TLCD4: variants seen among roughly 807,000 people sequenced by gnomAD.
TLCD4 encodes the protein TLC domain-containing protein 4.
TLCD4 carries 7 observed loss-of-function variants against 24.2 expected under a neutral mutation model. The observed-to-expected ratio is 0.29, with a 90% confidence interval of 0.16 to 0.54. The LOEUF is 0.54. TLCD4 is among the 20% of genes least tolerant of loss of function. TLCD4 has a pLI of 0.95. For missense variants in TLCD4, 259 were observed against 313.9 expected (o/e 0.82, Z 1.32); for synonymous variants, 103 against 106.4 (o/e 0.97, Z 0.20).
intron 2 of TLCD4, among the ~76,000 whole-genome samples, chr1:95,146,889 CCT>C (rs1677365891): frequency 6.6e-6 from 1 of 152,004 alleles, no homozygotes; most frequent in Non-Finnish European, 1.5e-5. Flanking sequence ...GAATCTGAGG[CCT>C]GAGTGTCAGA....
intron 6 of TLCD4, among the ~76,000 whole-genome samples, chr1:95,181,032 G>T (rs1167359531): frequency 1.3e-5 from 2 of 152,186 alleles, no homozygotes; most frequent in Non-Finnish European, 2.9e-5. Flanking sequence ...AGTTGGTGGA[G>T]GTTGCAGTGA....
In TLCD4 at chr1:95,151,377, A is replaced by G; in HGVS notation, c.357A>G (p.Ile119Met). 1 of 1,613,324 alleles carries G rather than the reference A, an allele frequency of 6.2e-7. No homozygotes were observed. The change falls in exon 5 of 7, where the codon ATA becomes ATG. Residue 119 changes from isoleucine (I) to methionine (M), a missense_variant. Transcript: ENST00000370203. Reference sequence around the variant, plus strand: ...AAGTGATTGGTGACAAATTTTTTATAATGCATCATTGTGCGTCCCTGTATG... The same window carrying G: ...AAGTGATTGGTGACAAATTTTTTATGATGCATCATTGTGCGTCCCTGTATG... ...YWKVIGDKFF[I>M]MHHCASLYAY... is the part of the protein sequence containing the mutation.
At chr1:95,144,189 G>A (rs1677288465) in intron 2 of TLCD4, 133 bp downstream of exon 2, 3 of 1,117,902 alleles carry the variant, frequency 2.7e-6, no homozygotes, top group Admixed American at 4.3e-5. Context: ...AGAAATAAAA[G>A]GAAAAACAAG....
At position 95,139,174 on chromosome 1, in the gene TLCD4, CAA is replaced by C. The variant is rs71097248; in HGVS notation, c.-11-4695_-11-4694del. 4.4e-3 allele frequency among the ~76,000 whole-genome samples: 335 copies of C among 76,800 alleles called. 1 individual carries two copies. In the Middle Eastern group the frequency reaches 0.047, roughly 11 times the overall value. 50.4% of individuals were successfully genotyped at this position (76,800 alleles called of 152,430 possible). On this transcript the variant is annotated intron_variant, in intron 1 of 6. Coordinates refer to ENST00000370203, the MANE Select transcript of TLCD4 (RefSeq NM_152487.3). ...TGGATGACAGAGTGAGAACCTGTGT[CAA>C]AAAAAAAAAAAAAAAAAAAAAGATA...
intron 1 of TLCD4, among the ~76,000 whole-genome samples, chr1:95,120,744 CA>C (rs1357297568): frequency 6.6e-6 from 1 of 152,170 alleles, no homozygotes; most frequent in Non-Finnish European, 1.5e-5. Context: ...TACAACAGTA[CA>C]AAATGCATTT....
At chr1:95,140,525 A>G (rs1221226204) in intron 1 of TLCD4, 1 of 152,248 alleles carries the variant, frequency 6.6e-6, no homozygotes, top group Non-Finnish European at 1.5e-5. Context: ...AATGAAAAGT[A>G]TAAACATTAT....
At chr1:95,127,668 G>C (rs1016316328) in intron 1 of TLCD4, among the ~76,000 whole-genome samples, 50 of 152,078 alleles carry the variant, frequency 3.3e-4, no homozygotes, top group Admixed American at 2.4e-3. Flanking sequence ...TTTTTCCCAA[G>C]AGTCTCCCCA....
chr1:95,105,893 TTAAA>T, the TLCD4 span, among the ~76,000 whole-genome samples: 1 of 102,864 alleles, frequency 9.7e-6, no homozygotes, highest in Non-Finnish European at 2.1e-5. Flanking sequence ...AGACTCCGTC[TTAAA>T]AAAAAAAAAA....
At chr1:95,151,297 A>T in intron 4 of TLCD4, 28 bp from the exon 5 acceptor site, 1 of 1,609,166 alleles carries the variant, frequency 6.2e-7, no homozygotes. Flanking sequence ...TTCTTATGTA[A>T]TACCTTACTC....
In TLCD4 at chr1:95,197,343, T is replaced by G. The variant is rs1271070810; in HGVS notation, c.*5475T>G. ...TTATTTCCATTAAAATTTTGAAATG[T>G]TTGTATACTTTATGTGTGCCATTTT... On this transcript the variant is annotated 3_prime_UTR_variant, in exon 7 of 7. Transcript: ENST00000370203. The G allele has an allele frequency of 6.6e-6, 1 of 152,188 alleles. No individual in the cohort carries two copies. Among genetic ancestry groups the G allele is most frequent in the Non-Finnish European group, 1.5e-5 (1 of 68,022 alleles). The allele number at this position is 152,188 out of a possible 1,614,324, so 9.4% of individuals were successfully genotyped here.
At chr1:95,110,674 A>C in the TLCD4 span, among the ~76,000 whole-genome samples, 64 of 151,996 alleles carry the variant, frequency 4.2e-4, no homozygotes, top group African/African-American at 1.5e-3. Context: ...AGATTACTTG[A>C]GTCCAGGAGT....
At position 95,157,373 on chromosome 1, in the gene TLCD4, A is replaced by G. The variant is rs140196912; in HGVS notation, c.399+5954A>G. On this transcript the variant is annotated intron_variant, in intron 5 of 6. Transcript: ENST00000370203. ...TTTAAATTTTCATTTTACATATTGA[A>G]GTGGTTCTGGCAATCTTGGGTCAGA... is the stretch of plus-strand genomic sequence containing the variant. Among the ~76,000 whole-genome samples the G allele has an allele frequency of 5.2e-3, 790 of 152,306 alleles. 6 individuals are homozygous for G. Among genetic ancestry groups the G allele is most frequent in the African/African-American group, 0.018 (757 of 41,570 alleles).
the TLCD4 span, among the ~76,000 whole-genome samples, chr1:95,109,982 A>C: frequency 7.2e-6 from 1 of 138,844 alleles, no homozygotes; most frequent in African/African-American, 2.7e-5. Context: ...CAATTTTGGT[A>C]AATTAATTTT....
At chr1:95,158,388 G>A (rs926828482) in intron 5 of TLCD4, among the ~76,000 whole-genome samples, 1 of 151,754 alleles carries the variant, frequency 6.6e-6, no homozygotes, top group Admixed American at 6.6e-5. Context: ...AGCCTATGTT[G>A]CCCAGGCTGG....
At chr1:95,108,750 T>C in the TLCD4 span, among the ~76,000 whole-genome samples, 1 of 152,246 alleles carries the variant, frequency 6.6e-6, no homozygotes, top group African/African-American at 2.4e-5. Context: ...TTTATTCAAG[T>C]GTCCATCTTA....
intron 1 of TLCD4, among the ~76,000 whole-genome samples, chr1:95,125,865 T>A (rs748569411): frequency 6.6e-6 from 1 of 152,180 alleles, no homozygotes; most frequent in Admixed American, 6.5e-5. Context: ...AAGAAAGGGC[T>A]GGTATTCCGG....
At chr1:95,102,655 T>C in the TLCD4 span, among the ~76,000 whole-genome samples, 1 of 152,038 alleles carries the variant, frequency 6.6e-6, no homozygotes, top group African/African-American at 2.4e-5. Flanking sequence ...CCTTAGTGGA[T>C]TGGGGGAACA....
At position 95,192,159 on chromosome 1, in the gene TLCD4, C is replaced by G; in HGVS notation, c.*291C>G. The G allele has an allele frequency of 5.8e-6, 2 of 345,432 alleles. No homozygotes were observed. Among genetic ancestry groups the G allele is most frequent in the Non-Finnish European group, 9.3e-6 (2 of 213,936 alleles). 21.4% of individuals were successfully genotyped at this position (345,432 alleles called of 1,614,324 possible). ...AAAAATACAAAAAAAAGTAGCTGGG[C>G]GTGGTGGTTGGCGCCTGTAATCCCA... On this transcript the variant is annotated 3_prime_UTR_variant, in exon 7 of 7. Coordinates refer to ENST00000370203, the MANE Select transcript of TLCD4 (RefSeq NM_152487.3).
intron 1 of TLCD4, among the ~76,000 whole-genome samples, chr1:95,140,951 C>G (rs765311004): frequency 1.3e-5 from 2 of 152,134 alleles, no homozygotes; most frequent in African/African-American, 2.4e-5. Flanking sequence ...TTGTAAAGAT[C>G]TCTAGATTAG....
Sources: allele counts gnomAD v4.1 joint callset (sites outside exome capture counted in the v4.1 genomes callset), GRCh38; gene constraint gnomAD v4.1.1; transcripts MANE v1.5; gene names NCBI Gene and HGNC (gene_info 2026-07-23, HGNC 2026-07-21).